IFT140: variants seen among roughly 807,000 people sequenced by gnomAD.
IFT140 encodes intraflagellar transport 140, also known as intraflagellar transport protein 140 homolog.
IFT140 carries 133 observed loss-of-function variants against 164.6 expected under a neutral mutation model. That is an observed-to-expected ratio of 0.81 (90% CI 0.70 to 0.93). The LOEUF is 0.93. Ranked by LOEUF, IFT140 falls within the 40% of genes least tolerant of loss-of-function variation. The pLI is 0.00. For synonymous variants in IFT140, 860 were observed against 817.3 expected (o/e 1.05, Z -0.89); for missense variants, 2,045 against 1,972.3 (o/e 1.04, Z -0.70).
At position 1,571,469 on chromosome 16, in the gene IFT140, A is replaced by C. The variant is rs1253110121; in HGVS notation, c.1590T>G (p.Cys530Trp). The C allele has an allele frequency of 6.2e-7, 1 of 1,614,074 alleles. No homozygotes were observed. The highest frequency in any genetic ancestry group is 1.3e-5 in the African/African-American group (1 of 74,958). Residue 530 changes from cysteine to tryptophan, a missense_variant, in exon 14 of 31, where the codon TGT (cysteine) becomes TGG (tryptophan). By Grantham distance (215) the Cys-to-Trp change is radical. Coordinates refer to ENST00000426508, the MANE Select transcript of IFT140 (RefSeq NM_014714.4). ...TEGNPCFLDI[C>W]GNFLVVGTDL... Reference sequence around the variant, plus strand: ...CTGTCCCTACAACCAGGAAATTCCCACAGATGTCCAAGAAGCAGGGATTCC... The same window carrying C: ...CTGTCCCTACAACCAGGAAATTCCCCCAGATGTCCAAGAAGCAGGGATTCC...
At chr16:1,570,719 T>C (rs1006500214) in intron 14 of IFT140, among the ~76,000 whole-genome samples, 7 of 152,190 alleles carry the variant, frequency 4.6e-5, no homozygotes, top group Non-Finnish European at 7.4e-5. Context: ...TGAGACTGTT[T>C]TGTTACCTTC....
At chr16:1,583,451 C>T in intron 11 of IFT140, 65 bp from the exon 12 acceptor site, 1 of 1,336,506 alleles carries the variant, frequency 7.5e-7, no homozygotes, top group Non-Finnish European at 1.1e-6. Flanking sequence ...GTACACCCCA[C>T]TGCACACCTC....
At chr16:1,555,324 G>A (rs1040617554) in intron 19 of IFT140, 6 of 400,584 alleles carry the variant, frequency 1.5e-5, no homozygotes, top group East Asian at 1.0e-4. Context: ...GTTAGGTGGC[G>A]CGAGGCTGCC....
intron 12 of IFT140, among the ~76,000 whole-genome samples, 160 bp from the exon 13 acceptor site, chr16:1,581,010 C>G (rs1463336547): frequency 6.6e-6 from 1 of 152,192 alleles, no homozygotes; most frequent in East Asian, 1.9e-4. Context: ...AAATGAGGCT[C>G]TGAGGCACAG....
intron 30 of IFT140, among the ~76,000 whole-genome samples, chr16:1,517,302 A>T (rs905011911): frequency 1.3e-5 from 2 of 151,608 alleles, no homozygotes; most frequent in African/African-American, 4.9e-5. Flanking sequence ...GTGAGCCGAG[A>T]TCGCGCCACT....
At chr16:1,540,846 C>T (rs1337826052) in intron 19 of IFT140, 2 of 985,254 alleles carry the variant, frequency 2.0e-6, no homozygotes, top group East Asian at 1.1e-4. Flanking sequence ...CAAGGCATGG[C>T]GATGACAGGC....
chr16:1,518,077 A>G (rs917649114), intron 30 of IFT140, 139 bp downstream of exon 30: 12 of 786,634 alleles, frequency 1.5e-5, no homozygotes, highest in Non-Finnish European at 2.2e-5. Flanking sequence ...GGCTCAAGTC[A>G]TTCTCCTGCC....
rs369998823 is a variant in IFT140, at chr16:1,584,407, T to C, written c.1169A>G (p.Lys390Arg). Reference sequence around the variant, plus strand: ...GACGCTGTTCACTGCCAGCAGGTTCTTCCTGGAACCCCACTTCATTTCCAG... The same window carrying C: ...GACGCTGTTCACTGCCAGCAGGTTCCTCCTGGAACCCCACTTCATTTCCAG... ...NITQIQWGSR[K>R]NLLAVNSVIS... Residue 390 changes from lysine to arginine, a missense_variant, in exon 11 of 31, where the codon AAG becomes AGG. Lys to Arg is a conservative substitution (Grantham distance 26, BLOSUM62 2). Transcript: ENST00000426508. The C allele has an allele frequency of 6.5e-5, 104 of 1,607,408 alleles. No homozygotes were observed. Among genetic ancestry groups the C allele is most frequent in the African/African-American group, 1.2e-4 (9 of 74,848 alleles).
At position 1,526,068 on chromosome 16, in the gene IFT140, C is replaced by A. The variant is rs753254776; in HGVS notation, c.2587G>T (p.Glu863Ter). 6.3e-7 allele frequency: 1 copy of A among 1,586,402 alleles called. No homozygotes were observed. The highest frequency in any genetic ancestry group is 8.6e-7 in the Non-Finnish European group (1 of 1,166,712). ...ATQLGMLEDA[E>*]QLYRKCKRHD... ...CGCTTGCACTTCCTGTACAGCTGCT[C>A]GGCGTCCTCCTGAGGAATGAGGATG... The change falls in exon 21 of 31, where the codon GAG (glutamate) becomes TAG (stop). Residue 863 changes from glutamate to a stop codon, truncating the protein, a stop_gained. Coordinates refer to ENST00000426508, the MANE Select transcript of IFT140 (RefSeq NM_014714.4). LOFTEE classifies it high-confidence loss of function.
intron 19 of IFT140, among the ~76,000 whole-genome samples, chr16:1,549,180 C>T (rs2032431192): frequency 6.6e-6 from 1 of 152,280 alleles, no homozygotes; most frequent in Admixed American, 6.5e-5. Flanking sequence ...CCAAACCCCT[C>T]TCTACCCTAG....
intron 18 of IFT140, among the ~76,000 whole-genome samples, chr16:1,561,700 T>C (rs947231564): frequency 3.3e-5 from 5 of 152,246 alleles, no homozygotes; most frequent in African/African-American, 4.8e-5. Flanking sequence ...TGCAGAGTCC[T>C]GAGTCCTGCC....
intron 30 of IFT140, among the ~76,000 whole-genome samples, chr16:1,517,305 G>A (rs1032964377): frequency 2.0e-5 from 3 of 150,440 alleles, no homozygotes; most frequent in South Asian, 2.1e-4. Context: ...AGCCGAGATC[G>A]CGCCACTGCG....
intron 13 of IFT140, among the ~76,000 whole-genome samples, chr16:1,575,345 A>G (rs2034221640): frequency 6.6e-6 from 1 of 151,926 alleles, no homozygotes; most frequent in South Asian, 2.1e-4. Flanking sequence ...ACTGCACTCT[A>G]GCCTGGGCGA....
At chr16:1,566,054 G>A (rs1166248435) in intron 16 of IFT140, 107 bp downstream of exon 16, 2 of 1,022,836 alleles carry the variant, frequency 2.0e-6, no homozygotes, top group East Asian at 5.0e-5. Context: ...ACTGGTGCCT[G>A]CTGGGGCCTT....
At chr16:1,572,345 G>A (rs903353347) in intron 13 of IFT140, among the ~76,000 whole-genome samples, 1 of 152,190 alleles carries the variant, frequency 6.6e-6, no homozygotes, top group African/African-American at 2.4e-5. Flanking sequence ...CAGTCGGCAC[G>A]TTAGAAAGCA....
intron 3 of IFT140, among the ~76,000 whole-genome samples, chr16:1,606,139 C>T (rs2036049119): frequency 6.6e-6 from 1 of 152,200 alleles, no homozygotes; most frequent in Non-Finnish European, 1.5e-5. Flanking sequence ...TTTTGGAGTT[C>T]TCGCCTCCAG....
At chr16:1,552,436 A>G (rs2032729535) in intron 19 of IFT140, among the ~76,000 whole-genome samples, 1 of 151,846 alleles carries the variant, frequency 6.6e-6, no homozygotes, top group Non-Finnish European at 1.5e-5. Context: ...ACACCAGCAC[A>G]ACCCACACCC....
At chr16:1,523,026 G>A (rs544136523) in intron 26 of IFT140, among the ~76,000 whole-genome samples, 2 of 151,980 alleles carry the variant, frequency 1.3e-5, no homozygotes, top group South Asian at 4.2e-4. Context: ...TTCAAGACCA[G>A]CCTGGGCAAC....
chr16:1,607,230 C>A lies in IFT140; in HGVS notation c.37G>T (p.Asp13Tyr), dbSNP rs554065722. Residue 13 changes from aspartate to tyrosine, a missense_variant, in exon 3 of 31, where the codon GAT becomes TAT. By Grantham distance (160) the Asp-to-Tyr change is radical. Coordinates refer to ENST00000426508, the MANE Select transcript of IFT140 (RefSeq NM_014714.4). The part of the protein sequence containing the change: ...LYYDHQIEAP[D>Y]AAGSPSFISW... The stretch of plus-strand genomic sequence containing the variant: ...ATAAATGAGGGTGACCCTGCTGCAT[C>A]CGGGGCTTCTATCTGGTGGTCATAA... 70 of 1,614,128 alleles carry A rather than the reference C, an allele frequency of 4.3e-5. 2 individuals carry two copies. The South Asian group carries it at 7.4e-4, about 17-fold the overall frequency.
Sources: gnomAD v4.1 joint callset for allele counts (sites outside exome capture counted in the v4.1 genomes callset) on GRCh38, gnomAD v4.1.1 for gene constraint, MANE v1.5 for transcripts, NCBI Gene and HGNC (gene_info 2026-07-23, HGNC 2026-07-21) for gene names.